SAMD4A: variants seen among roughly 807,000 people sequenced by gnomAD.
The protein encoded by SAMD4A is protein Smaug homolog 1.
A neutral mutation model predicts 81.3 loss-of-function variants in SAMD4A; 33 were observed. That is an observed-to-expected ratio of 0.41 (90% confidence interval 0.31 to 0.54). SAMD4A has a LOEUF of 0.54. Ranked by LOEUF, SAMD4A falls within the 20% of genes least tolerant of loss-of-function variation. SAMD4A has a pLI of 0.37. For missense variants in SAMD4A, 854 were observed against 951.1 expected, an observed-to-expected ratio of 0.90 and a Z score of 1.34; for synonymous variants, 389 against 382.1, an observed-to-expected ratio of 1.02 and a Z score of -0.21.
intron 2 of SAMD4A, among the ~76,000 whole-genome samples, chr14:54,618,668 G>A (rs576124089): frequency 7.2e-5 from 11 of 152,268 alleles, no homozygotes; most frequent in African/African-American, 2.6e-4. Context: ...TCTAGAGTTT[G>A]GAGAGTTACC....
rs187404524 is a variant in SAMD4A at position 54,597,368 on chromosome 14, G to A, written c.196+29256G>A. ...CGGCTCACCACAACCTCTGCCTCCCGGGTTCAAGTGATTCTCTTGCCTCAG... is the reference window on the plus strand; with the variant it reads ...CGGCTCACCACAACCTCTGCCTCCCAGGTTCAAGTGATTCTCTTGCCTCAG... On this transcript the variant is annotated intron_variant, in intron 2 of 12. Coordinates refer to ENST00000554335, the MANE Select transcript of SAMD4A (RefSeq NM_015589.6). Among the ~76,000 whole-genome samples, 504 of 150,350 alleles carry A rather than the reference G, an allele frequency of 3.4e-3. 2 individuals carry two copies. Among genetic ancestry groups the A allele is most frequent in the African/African-American group, 0.011 (470 of 40,880 alleles).
chr14:54,635,749 A>G (rs1566559649), intron 2 of SAMD4A, among the ~76,000 whole-genome samples: 1 of 152,270 alleles, frequency 6.6e-6, no homozygotes, highest in East Asian at 1.9e-4. Context: ...CTCAAAAAAA[A>G]AAAAGAAAAG....
chr14:54,593,278 G>C (rs962743464), intron 2 of SAMD4A, among the ~76,000 whole-genome samples: 2 of 152,126 alleles, frequency 1.3e-5, no homozygotes, highest in Non-Finnish European at 2.9e-5. Flanking sequence ...CCTTCCTGGA[G>C]AACCTAATTA....
rs1351129059 is a variant in SAMD4A at position 54,586,653 on chromosome 14, A to G, written c.196+18541A>G. 3.3e-5 allele frequency among the ~76,000 whole-genome samples: 5 copies of G among 152,254 alleles called. No homozygotes were observed. In the East Asian group the frequency reaches 5.8e-4, roughly 18 times the overall value. On this transcript the variant is annotated intron_variant, in intron 2 of 12. Transcript: ENST00000554335. ...TCGTTTTTCTACATGTGGCTTGCCA[A>G]TTATCCCAGCACCATTTGTTGAATA...
At chr14:54,699,142 C>G (rs2036648896) in intron 2 of SAMD4A, among the ~76,000 whole-genome samples, 1 of 152,304 alleles carries the variant, frequency 6.6e-6, no homozygotes, top group Middle Eastern at 3.4e-3. Flanking sequence ...TTCTTGGCCC[C>G]TTTTGCTTCT....
chr14:54,666,918 T>A (rs1442101713), intron 2 of SAMD4A, among the ~76,000 whole-genome samples: 2 of 152,202 alleles, frequency 1.3e-5, no homozygotes, highest in Non-Finnish European at 2.9e-5. Context: ...ACTCTTAGTT[T>A]TAAGAAAAGT....
intron 3 of SAMD4A, among the ~76,000 whole-genome samples, chr14:54,708,122 G>T (rs1050537906): frequency 3.9e-5 from 6 of 152,222 alleles, no homozygotes; most frequent in African/African-American, 1.4e-4. Flanking sequence ...CAGTAATCAG[G>T]CAAGAGAAGA....
chr14:54,666,926 A>G (rs2035770751), intron 2 of SAMD4A, among the ~76,000 whole-genome samples: 1 of 152,174 alleles, frequency 6.6e-6, no homozygotes, highest in Admixed American at 6.5e-5. Context: ...TTTTAAGAAA[A>G]GTTAAATAAG....
intron 2 of SAMD4A, among the ~76,000 whole-genome samples, chr14:54,643,353 G>C (rs544830940): frequency 6.6e-5 from 10 of 152,344 alleles, no homozygotes; most frequent in Admixed American, 5.2e-4. Flanking sequence ...CCAGTTGTTG[G>C]TGAAAGCAAA....
intron 2 of SAMD4A, chr14:54,694,978 C>T: frequency 7.3e-6 from 7 of 954,388 alleles, no homozygotes; most frequent in Non-Finnish European, 7.5e-6. Flanking sequence ...CTGGTTCTTG[C>T]CTTTTGAGGA....
intron 2 of SAMD4A, among the ~76,000 whole-genome samples, chr14:54,608,527 T>C (rs961699311): frequency 9.8e-5 from 15 of 152,346 alleles, no homozygotes; most frequent in African/African-American, 2.9e-4. Context: ...CCGGGAAATA[T>C]TGGAAAATGC....
intron 12 of SAMD4A, among the ~76,000 whole-genome samples, chr14:54,787,028 C>G (rs780664871): frequency 6.6e-6 from 1 of 152,212 alleles, no homozygotes; most frequent in Non-Finnish European, 1.5e-5. Context: ...TATGACAGAG[C>G]TTCTCTGCTG....
Position 54,729,578 on chromosome 14 carries a change from T to G in SAMD4A, c.716-7446T>G, listed in dbSNP as rs544464108. 2.5e-4 allele frequency among the ~76,000 whole-genome samples: 38 copies of G among 152,354 alleles called. 1 individual carries two copies. In the South Asian group the frequency reaches 7.9e-3, roughly 32 times the overall value. On this transcript the variant is annotated intron_variant, in intron 3 of 12. Transcript: ENST00000554335. The stretch of plus-strand genomic sequence containing the variant: ...CTGTCTAAACTCATTTCTAGAAATA[T>G]CTTCATTTTATGTGGATAGAAATTC...
chr14:54,774,468 C>T (rs909182752), intron 9 of SAMD4A, among the ~76,000 whole-genome samples: 1 of 152,048 alleles, frequency 6.6e-6, no homozygotes, highest in African/African-American at 2.4e-5. Flanking sequence ...CTTTGAGAGG[C>T]CGAGGCAGGA....
chr14:54,706,626 AAAG>A (rs1426277467), intron 3 of SAMD4A, among the ~76,000 whole-genome samples: 1 of 151,374 alleles, frequency 6.6e-6, no homozygotes, highest in African/African-American at 2.4e-5. Context: ...AGAAAGAAAG[AAAG>A]AAAAAAACCA....
chr14:54,722,423 A>T (rs1406795395), intron 3 of SAMD4A, among the ~76,000 whole-genome samples: 1 of 152,152 alleles, frequency 6.6e-6, no homozygotes, highest in Non-Finnish European at 1.5e-5. Context: ...AGGCCTCAAC[A>T]TTTGGGTCCT....
intron 2 of SAMD4A, chr14:54,695,024 C>A (rs1010660108): frequency 1.1e-5 from 6 of 558,792 alleles, no homozygotes; most frequent in Non-Finnish European, 1.4e-5. Context: ...CACCTGATGA[C>A]CTTCTGCTGT....
At chr14:54,712,754 C>G (rs546927088) in intron 3 of SAMD4A, among the ~76,000 whole-genome samples, 1 of 152,308 alleles carries the variant, frequency 6.6e-6, no homozygotes, top group Admixed American at 6.5e-5. Context: ...GGGCTGCATG[C>G]ACCTTGGGTC....
chr14:54,586,561 G>A (rs761584005), intron 2 of SAMD4A, among the ~76,000 whole-genome samples: 3 of 151,984 alleles, frequency 2.0e-5, no homozygotes, highest in Non-Finnish European at 2.9e-5. Context: ...ATGGTTTCAC[G>A]TCTTATATTT....
Sources: gnomAD v4.1 joint callset for allele counts (sites outside exome capture counted in the v4.1 genomes callset) on GRCh38, gnomAD v4.1.1 for gene constraint, MANE v1.5 for transcripts, NCBI Gene and HGNC (gene_info 2026-07-23, HGNC 2026-07-21) for gene names.